The following STYX variants were observed in gnomAD, a reference collection of about 807,000 sequenced individuals.
STYX encodes serine/threonine/tyrosine interacting protein.
Under a neutral mutation model 42.7 loss-of-function variants are expected in STYX, and 20 were observed. That is an observed-to-expected ratio of 0.47 (90% CI 0.33 to 0.68). The LOEUF (loss-of-function observed/expected upper bound fraction) is 0.68, where lower values mean the gene tolerates loss of function less well. Ranked by LOEUF, STYX falls within the 30% of genes least tolerant of loss-of-function variation. The probability of loss-of-function intolerance (pLI) is 0.02; values close to 1 mark genes in which losing one functional copy is unlikely to be tolerated. For synonymous variants in STYX, 78 were observed against 81.9 expected (o/e 0.95, Z 0.26); for missense variants, 226 against 268.5 (o/e 0.84, Z 1.11).
chr14:52,732,946 C>G (rs914464482), intron 1 of STYX, among the ~76,000 whole-genome samples: 2 of 152,178 alleles, frequency 1.3e-5, no homozygotes, highest in African/African-American at 4.8e-5. Context: ...GCTGGGATTA[C>G]AGGCTTGAGC....
At chr14:52,762,699 T>G (rs895404664) in intron 9 of STYX, among the ~76,000 whole-genome samples, 2 of 152,132 alleles carry the variant, frequency 1.3e-5, no homozygotes, top group African/African-American at 4.8e-5. Flanking sequence ...AGATTGGAGT[T>G]ACTTGTCTCT....
At position 52,768,858 on chromosome 14, in the gene STYX, C is replaced by A. The variant is rs758467204; in HGVS notation, c.523C>A (p.Leu175Ile). 1 of 1,591,468 alleles carries A rather than the reference C, an allele frequency of 6.3e-7. No homozygotes were observed. Among genetic ancestry groups the A allele is most frequent in the East Asian group, 2.3e-5 (1 of 44,144 alleles). ...HQLQEYEAIYLAKLTIQMMSP... is the reference protein window; with the variant it reads ...HQLQEYEAIYIAKLTIQMMSP... ...TTTTTAGGAATATGAAGCCATCTAC[C>A]TAGCAAAATTAACAATACAGATGAT... Residue 175 changes from leucine (L) to isoleucine (I), a missense_variant, in exon 10 of 11, where the codon CTA becomes ATA. Transcript: ENST00000354586.
At chr14:52,744,796 T>C in intron 1 of STYX, 56 bp from the exon 2 acceptor site, 1 of 1,548,368 alleles carries the variant, frequency 6.5e-7, no homozygotes, top group East Asian at 2.3e-5. Flanking sequence ...CTTTAGCCTT[T>C]AATTGGGTGA....
At chr14:52,750,420 A>G (rs1289026706) in intron 3 of STYX, among the ~76,000 whole-genome samples, 1 of 152,210 alleles carries the variant, frequency 6.6e-6, no homozygotes, top group Non-Finnish European at 1.5e-5. Context: ...AACATCTTAC[A>G]TAAAGGTTCC....
chr14:52,744,201 A>G (rs893150076), intron 1 of STYX, among the ~76,000 whole-genome samples: 12 of 152,104 alleles, frequency 7.9e-5, no homozygotes, highest in African/African-American at 2.7e-4. Flanking sequence ...ATCTTTTACC[A>G]TTGACATTTT....
chr14:52,734,687 A>G (rs377566726), intron 1 of STYX, among the ~76,000 whole-genome samples: 106 of 152,312 alleles, frequency 7.0e-4, no homozygotes, highest in African/African-American at 1.9e-3. Flanking sequence ...CTGAAAGCCA[A>G]TTCGTTCCGT....
At chr14:52,745,427 G>A (rs955262121) in intron 2 of STYX, among the ~76,000 whole-genome samples, 1 of 152,150 alleles carries the variant, frequency 6.6e-6, no homozygotes, top group African/African-American at 2.4e-5. Context: ...GAGCCACCGT[G>A]CCTGGCCAAT....
At chr14:52,733,260 A>G (rs566808906) in intron 1 of STYX, among the ~76,000 whole-genome samples, 5 of 152,336 alleles carry the variant, frequency 3.3e-5, no homozygotes, top group African/African-American at 1.2e-4. Flanking sequence ...ATCATTATGT[A>G]TGCCTTATTC....
Position 52,774,200 on chromosome 14 carries a change from C to T in STYX, c.*3094C>T, listed in dbSNP as rs1882628742. On this transcript the variant is annotated 3_prime_UTR_variant, in exon 11 of 11. Coordinates refer to ENST00000354586, the MANE Select transcript of STYX (RefSeq NM_145251.4). The stretch of plus-strand genomic sequence containing the variant: ...GTTTTGGGGAGAGTTTATGCTTCAT[C>T]TGAGTTTAGAAGTAATGTCAGAAAA... 1 of 152,108 alleles carries T rather than the reference C, an allele frequency of 6.6e-6. No individual in the cohort carries two copies. The highest frequency in any genetic ancestry group is 1.5e-5 in the Non-Finnish European group (1 of 68,022). 9.4% of individuals were successfully genotyped at this position (152,108 alleles called of 1,614,324 possible).
At chr14:52,752,781 A>G (rs980154046) in intron 4 of STYX, among the ~76,000 whole-genome samples, 2 of 151,784 alleles carry the variant, frequency 1.3e-5, no homozygotes, top group Admixed American at 1.3e-4. Context: ...GAGGCTAGAA[A>G]CTTCATAGTG....
At chr14:52,754,834 G>A (rs1189938079) in intron 4 of STYX, among the ~76,000 whole-genome samples, 1 of 152,122 alleles carries the variant, frequency 6.6e-6, no homozygotes, top group Non-Finnish European at 1.5e-5. Context: ...TGTTGTTTGT[G>A]CAGGTTCTTT....
intron 9 of STYX, among the ~76,000 whole-genome samples, chr14:52,766,742 G>A (rs187858165): frequency 1.3e-5 from 2 of 151,472 alleles, no homozygotes; most frequent in African/African-American, 4.8e-5. Flanking sequence ...TGGTTGTTCT[G>A]TTTCTTTTTC....
intron 9 of STYX, among the ~76,000 whole-genome samples, chr14:52,763,845 T>C (rs1162827797): frequency 6.6e-6 from 1 of 152,212 alleles, no homozygotes; most frequent in Non-Finnish European, 1.5e-5. Context: ...CTGAAATCAG[T>C]GAATTGAAAT....
intron 1 of STYX, 32 bp downstream of exon 1, chr14:52,730,563 CCT>C: frequency 6.2e-7 from 1 of 1,608,830 alleles, no homozygotes. Flanking sequence ...CACGCACAGG[CCT>C]CTCCCTGTGG....
rs1880659509 is a variant in STYX, at chr14:52,730,627, C to G, written c.57+96C>G. The G allele has an allele frequency of 2.8e-6, 4 of 1,410,900 alleles. No homozygotes were observed. In the Admixed American group the frequency reaches 8.4e-5, roughly 30 times the overall value. The allele number at this position is 1,410,900 out of a possible 1,614,324, so 87.4% of individuals were successfully genotyped here. The stretch of plus-strand genomic sequence containing the variant: ...CCAACCGTCTTAGCCGCCACCTGTA[C>G]GGGCGCCCTGCCTCCTAAGGGCGTC... On this transcript the variant is annotated intron_variant, in intron 1 of 10. Coordinates refer to ENST00000354586, the MANE Select transcript of STYX (RefSeq NM_145251.4).
rs189819152 is a variant in STYX at position 52,764,412 on chromosome 14, G to A, written c.505-4428G>A. On this transcript the variant is annotated intron_variant, in intron 9 of 10. Transcript: ENST00000354586. ...TTCCTTCAAGCTTTCTAAATCACTTGATTTTAGATGCTTTTCCTCAGTGTA... is the reference window on the plus strand; with the variant it reads ...TTCCTTCAAGCTTTCTAAATCACTTAATTTTAGATGCTTTTCCTCAGTGTA... Among the ~76,000 whole-genome samples the A allele has an allele frequency of 2.8e-3, 429 of 152,144 alleles. 1 individual carries two copies. Among genetic ancestry groups the A allele is most frequent in the Non-Finnish European group, 4.7e-3 (320 of 68,012 alleles).
intron 9 of STYX, among the ~76,000 whole-genome samples, chr14:52,768,457 G>A (rs1405597982): frequency 1.3e-5 from 2 of 152,040 alleles, no homozygotes; most frequent in Non-Finnish European, 2.9e-5. Context: ...CTTGTTTTCA[G>A]AAAAGAGAGA....
chr14:52,771,061 G>A lies in STYX; in HGVS notation c.627G>A (p.Glu209=), dbSNP rs999767047. ...TGSLKRTHEE[E]DDFGTMQVAT... is the part of the protein sequence containing the mutation. ...GTTTGAAGAGAACACATGAAGAAGA[G>A]GATGATTTTGGAACCATGCAAGTGG... The change falls in exon 11 of 11, where the codon GAG becomes GAA. Residue 209 remains glutamate (E), a synonymous_variant. Transcript: ENST00000354586. The A allele has an allele frequency of 1.2e-6, 2 of 1,612,874 alleles. No individual in the cohort carries two copies. Among genetic ancestry groups the A allele is most frequent in the South Asian group, 1.1e-5 (1 of 91,034 alleles).
At chr14:52,762,707 T>C (rs1012382120) in intron 9 of STYX, among the ~76,000 whole-genome samples, 2 of 152,094 alleles carry the variant, frequency 1.3e-5, no homozygotes, top group African/African-American at 4.8e-5. Flanking sequence ...GTTACTTGTC[T>C]CTTAATGCAT....
Sources: gnomAD v4.1 joint callset for allele counts (sites outside exome capture counted in the v4.1 genomes callset) on GRCh38, gnomAD v4.1.1 for gene constraint, MANE v1.5 for transcripts, NCBI Gene and HGNC (gene_info 2026-07-23, HGNC 2026-07-21) for gene names.